Variants in EFNA5 observed in about 807,000 individuals in gnomAD.
The protein encoded by EFNA5 is ephrin A5, also known as ephrin-A5.
A neutral mutation model predicts 22.9 loss-of-function variants in EFNA5; 5 were observed. The observed-to-expected ratio is 0.22, with a 90% CI of 0.11 to 0.46. The LOEUF is 0.46. Among genes scored for constraint, EFNA5 ranks in the 20% least tolerant of loss-of-function variants. The pLI is 0.99. For missense variants in EFNA5, 237 were observed against 293.3 expected, an observed-to-expected ratio of 0.81 and a Z score of 1.40; for synonymous variants, 113 against 112.2, an observed-to-expected ratio of 1.01 and a Z score of -0.04.
intron 1 of EFNA5, among the ~76,000 whole-genome samples, chr5:107,545,284 C>A (rs1375160661): frequency 2.6e-5 from 4 of 152,242 alleles, no homozygotes; most frequent in Non-Finnish European, 5.9e-5. Context: ...CTATGGGCCA[C>A]ATTTTCAAAA....
chr5:107,636,481 C>T (rs1350605426), intron 1 of EFNA5, among the ~76,000 whole-genome samples: 2 of 152,192 alleles, frequency 1.3e-5, no homozygotes, highest in African/African-American at 4.8e-5. Context: ...GAAGCCATGA[C>T]AAGTTTTAAC....
chr5:107,448,518 G>C (rs563943437), intron 1 of EFNA5, among the ~76,000 whole-genome samples: 1 of 152,122 alleles, frequency 6.6e-6, no homozygotes, highest in Admixed American at 6.6e-5. Context: ...CACAGAGGGA[G>C]GAACATCGGA....
intron 1 of EFNA5, among the ~76,000 whole-genome samples, chr5:107,563,802 C>G (rs1255054194): frequency 6.6e-6 from 1 of 152,136 alleles, no homozygotes; most frequent in African/African-American, 2.4e-5. Flanking sequence ...CTTGCTTGCA[C>G]TGTGGCAGCA....
At chr5:107,385,850 A>G (rs1017731507) in intron 4 of EFNA5, among the ~76,000 whole-genome samples, 4 of 152,122 alleles carry the variant, frequency 2.6e-5, no homozygotes, top group Non-Finnish European at 4.4e-5. Flanking sequence ...AAAACTTTCT[A>G]AAGCAGCTAA....
intron 3 of EFNA5, 120 bp downstream of exon 3, chr5:107,387,586 T>C (rs1747661534): frequency 4.1e-6 from 3 of 735,062 alleles, no homozygotes; most frequent in South Asian, 3.6e-5. Flanking sequence ...AATGTTGATA[T>C]ACAAAACAGA....
chr5:107,541,829 T>C (rs1748055212), intron 1 of EFNA5, among the ~76,000 whole-genome samples: 1 of 152,252 alleles, frequency 6.6e-6, no homozygotes, highest in African/African-American at 2.4e-5. Context: ...GGTTGATCTG[T>C]AGAAATAGGC....
At chr5:107,534,622 C>T (rs1281603651) in intron 1 of EFNA5, among the ~76,000 whole-genome samples, 1 of 152,146 alleles carries the variant, frequency 6.6e-6, no homozygotes, top group African/African-American at 2.4e-5. Context: ...ATTATGTCTG[C>T]TTTGTGATAT....
At chr5:107,636,652 T>C (rs1475315978) in intron 1 of EFNA5, among the ~76,000 whole-genome samples, 2 of 152,360 alleles carry the variant, frequency 1.3e-5, no homozygotes, top group East Asian at 1.9e-4. Flanking sequence ...GAATATCTTA[T>C]GCAGTTTTTC....
chr5:107,557,252 GTT>G, intron 1 of EFNA5, among the ~76,000 whole-genome samples: 1 of 151,578 alleles, frequency 6.6e-6, no homozygotes, highest in Non-Finnish European at 1.5e-5. Context: ...GCAAACATTT[GTT>G]AAATGAGAAG....
intron 1 of EFNA5, among the ~76,000 whole-genome samples, chr5:107,522,954 C>T (rs1217927242): frequency 6.6e-6 from 1 of 152,216 alleles, no homozygotes; most frequent in African/African-American, 2.4e-5. Flanking sequence ...GTATTTCCAA[C>T]ACCTAAACAG....
chr5:107,566,462 G>A (rs916660487), intron 1 of EFNA5, among the ~76,000 whole-genome samples: 5 of 152,124 alleles, frequency 3.3e-5, no homozygotes, highest in African/African-American at 4.8e-5. Flanking sequence ...TTTCCAGCTC[G>A]CTTAAAAGGA....
chr5:107,638,148 C>T (rs1750426143), intron 1 of EFNA5, among the ~76,000 whole-genome samples: 3 of 152,026 alleles, frequency 2.0e-5, no homozygotes, highest in South Asian at 4.1e-4. Flanking sequence ...CCATCGTGCC[C>T]GGCCAACAGT....
At chr5:107,457,490 A>G (rs1197890366) in intron 1 of EFNA5, among the ~76,000 whole-genome samples, 1 of 152,170 alleles carries the variant, frequency 6.6e-6, no homozygotes, top group Non-Finnish European at 1.5e-5. Context: ...TACCTAATAC[A>G]ATGTAAAAAT....
At chr5:107,556,559 A>C (rs1364170338) in intron 1 of EFNA5, among the ~76,000 whole-genome samples, 1 of 152,022 alleles carries the variant, frequency 6.6e-6, no homozygotes, top group African/African-American at 2.4e-5. Flanking sequence ...CAGCCTGGAC[A>C]ACATGATGAA....
At chr5:107,621,688 T>C (rs1200983483) in intron 1 of EFNA5, among the ~76,000 whole-genome samples, 1 of 152,034 alleles carries the variant, frequency 6.6e-6, no homozygotes, top group Non-Finnish European at 1.5e-5. Context: ...AGGTTTATTA[T>C]GAGGATTAAA....
At chr5:107,387,900 C>T in intron 2 of EFNA5, 129 bp from the exon 3 acceptor site, 1 of 638,902 alleles carries the variant, frequency 1.6e-6, no homozygotes, top group East Asian at 2.7e-5. Context: ...TTCTCTAATT[C>T]CTCCTCCAAA....
chr5:107,456,187 G>A (rs1749695515), intron 1 of EFNA5, among the ~76,000 whole-genome samples: 1 of 152,134 alleles, frequency 6.6e-6, no homozygotes, highest in Admixed American at 6.6e-5. Context: ...GCTCCTAAAA[G>A]GAGGTGTCCA....
In EFNA5 at chr5:107,383,208, C is replaced by T. The variant is rs569973614; in HGVS notation, c.566-1832G>A. Among the ~76,000 whole-genome samples, 14 of 152,252 alleles carry T rather than the reference C, an allele frequency of 9.2e-5. No individual in the cohort carries two copies. In the South Asian group the frequency reaches 1.5e-3, roughly 16 times the overall value. On this transcript the variant is annotated intron_variant, in intron 4 of 4. Transcript: ENST00000333274. Reference sequence around the variant, plus strand: ...ACTGCATCCCCTTGTCAAATGTGCTCCCCTTTCCTGGACCTTAGCGAATCT... The same window carrying T: ...ACTGCATCCCCTTGTCAAATGTGCTTCCCTTTCCTGGACCTTAGCGAATCT...
chr5:107,529,462 A>G (rs996724696), intron 1 of EFNA5, among the ~76,000 whole-genome samples: 1 of 152,088 alleles, frequency 6.6e-6, no homozygotes, highest in Non-Finnish European at 1.5e-5. Context: ...TTCTCAGAGG[A>G]TCTGGCTTTC....
Sources: gnomAD v4.1 joint callset for allele counts (sites outside exome capture counted in the v4.1 genomes callset) on GRCh38, gnomAD v4.1.1 for gene constraint, MANE v1.5 for transcripts, NCBI Gene and HGNC (gene_info 2026-07-23, HGNC 2026-07-21) for gene names.